Variants in DAO observed in about 807,000 individuals in gnomAD.
DAO encodes the protein D-amino-acid oxidase.
DAO carries 51 observed loss-of-function variants against 50.1 expected under a neutral mutation model. The observed-to-expected ratio is 1.02, with a 90% CI of 0.81 to 1.29. The LOEUF (loss-of-function observed/expected upper bound fraction) is 1.29, where lower values mean the gene tolerates loss of function less well. Among genes scored for constraint, DAO ranks in the 50% most tolerant of loss-of-function variants. The pLI, the probability that DAO is intolerant of heterozygous loss-of-function variation, is 0.00. For synonymous variants in DAO, 160 were observed against 166.2 expected, an observed-to-expected ratio of 0.96 and a Z score of 0.29; for missense variants, 436 against 439.4, an observed-to-expected ratio of 0.99 and a Z score of 0.07.
intron 7 of DAO, among the ~76,000 whole-genome samples, chr12:108,896,037 A>G (rs1368794186): frequency 6.6e-6 from 1 of 151,588 alleles, no homozygotes; most frequent in African/African-American, 2.4e-5. Flanking sequence ...TTTTCTTTAA[A>G]AAAAAAAAGT....
chr12:108,886,205 A>G (rs2039434496), intron 2 of DAO, among the ~76,000 whole-genome samples: 1 of 151,236 alleles, frequency 6.6e-6, no homozygotes, highest in Non-Finnish European at 1.5e-5. Flanking sequence ...ATCTTTTTAA[A>G]TAGAGATAGG....
At chr12:108,884,376 C>T (rs1331502783) in intron 1 of DAO, among the ~76,000 whole-genome samples, 2 of 152,212 alleles carry the variant, frequency 1.3e-5, no homozygotes, top group African/African-American at 4.8e-5. Flanking sequence ...CTGATAACAG[C>T]AGCCCCTACC....
chr12:108,883,910 C>T (rs1001541377), intron 1 of DAO: 2 of 248,970 alleles, frequency 8.0e-6, no homozygotes, highest in Non-Finnish European at 1.7e-5. Context: ...CTGTCCAGGG[C>T]CACAGGCCCG....
intron 6 of DAO, among the ~76,000 whole-genome samples, chr12:108,894,014 C>T (rs1468619625): frequency 6.6e-6 from 1 of 152,076 alleles, no homozygotes; most frequent in Non-Finnish European, 1.5e-5. Flanking sequence ...TATGAACAGC[C>T]ATGGGCAGCC....
chr12:108,887,448 A>G lies in DAO; in HGVS notation c.195-2A>G, dbSNP rs769271944. On this transcript the variant is annotated splice_acceptor_variant, in intron 2 of 10. Coordinates refer to ENST00000228476, the MANE Select transcript of DAO (RefSeq NM_001917.5). LOFTEE classifies it high-confidence loss of function. ...TGATCGAACTCTTCATGACCCTTCC[A>G]GGGACTGGAGCCAACAGACCTTTGA... 1.9e-6 allele frequency: 3 copies of G among 1,611,882 alleles called. No homozygotes were observed. In the Admixed American group the frequency reaches 5.0e-5, roughly 27 times the overall value.
At chr12:108,891,665 C>T (rs2039493332) in intron 5 of DAO, among the ~76,000 whole-genome samples, 1 of 151,788 alleles carries the variant, frequency 6.6e-6, no homozygotes, top group Non-Finnish European at 1.5e-5. Flanking sequence ...GTGGTATGAA[C>T]ACAACTCACA....
intron 10 of DAO, 54 bp downstream of exon 10, chr12:108,899,529 TG>T: frequency 6.7e-7 from 1 of 1,483,154 alleles, no homozygotes; most frequent in Non-Finnish European, 9.3e-7. Context: ...CAGATGGCTC[TG>T]GCATTTTCAG....
chr12:108,882,170 T>G (rs191849676), intron 1 of DAO, among the ~76,000 whole-genome samples: 36 of 152,290 alleles, frequency 2.4e-4, no homozygotes, highest in Middle Eastern at 3.4e-3. Flanking sequence ...GGAGCTGATA[T>G]TCCAGTGAGG....
At chr12:108,896,984 C>A (rs2137365354) in intron 7 of DAO, 22 bp from the exon 8 acceptor site, 1 of 1,600,208 alleles carries the variant, frequency 6.2e-7, no homozygotes, top group Admixed American at 1.7e-5. Context: ...GCTGATGAGA[C>A]TTTCCTGCCC....
chr12:108,888,362 G>T (rs910673146), intron 3 of DAO, among the ~76,000 whole-genome samples: 5 of 151,602 alleles, frequency 3.3e-5, no homozygotes, highest in African/African-American at 1.2e-4. Context: ...TTGAGACAGG[G>T]TCTCACTGTA....
Position 108,893,134 on chromosome 12 carries a change from G to A in DAO, c.507+98G>A, listed in dbSNP as rs17041050. 9.8e-3 allele frequency: 10,280 copies of A among 1,053,868 alleles called. 420 individuals carry two copies. In the African/African-American group the frequency reaches 0.1, roughly 11 times the overall value. 65.3% of individuals were successfully genotyped at this position (1,053,868 alleles called of 1,614,324 possible). On this transcript the variant is annotated intron_variant, in intron 6 of 10. Coordinates refer to ENST00000228476, the MANE Select transcript of DAO (RefSeq NM_001917.5). ...GGGGGCTCCCTTCTCAGGCTCCTAG[G>A]GTCCCCACAGGCCTGCCTCAGACCC...
At chr12:108,898,831 A>G in intron 9 of DAO, 35 bp downstream of exon 9, 1 of 1,435,736 alleles carries the variant, frequency 7.0e-7, no homozygotes, top group Non-Finnish European at 9.8e-7. Flanking sequence ...CCCTAAACCA[A>G]GGTCGTGGGA....
chr12:108,899,478 A>G lies in DAO; in HGVS notation c.912+3A>G. 1 of 1,612,044 alleles carries G rather than the reference A, an allele frequency of 6.2e-7. No homozygotes were observed. The highest frequency in any genetic ancestry group is 8.5e-7 in the Non-Finnish European group (1 of 1,178,758). On this transcript the variant is annotated splice_donor_region_variant and intron_variant, in intron 10 of 10. Transcript: ENST00000228476. ...GCACTGGACCTTCAAACACAGAGGT[A>G]TGCTCCCATGGCAAGGAAAGTAATG...
chr12:108,892,904 A>G, intron 5 of DAO, 78 bp from the exon 6 acceptor site: 1 of 1,325,488 alleles, frequency 7.5e-7, no homozygotes, highest in Non-Finnish European at 1.1e-6. Context: ...TGTTTGGGAA[A>G]GGTCCCTGTG....
At chr12:108,898,430 A>G (rs1284133825) in intron 8 of DAO, 1 of 494,340 alleles carries the variant, frequency 2.0e-6, no homozygotes, top group Non-Finnish European at 3.8e-6. Context: ...TGGTGGTGAA[A>G]TGATGAATGC....
chr12:108,898,249 T>C (rs1435215724), intron 8 of DAO, among the ~76,000 whole-genome samples: 2 of 151,422 alleles, frequency 1.3e-5, no homozygotes, highest in African/African-American at 4.9e-5. Flanking sequence ...TGATTGGGAG[T>C]GGGGATGGTA....
chr12:108,896,445 G>GAAAAAAAAAAAAAA (rs2039558419), intron 7 of DAO, among the ~76,000 whole-genome samples: 1 of 123,322 alleles, frequency 8.1e-6, no homozygotes, highest in African/African-American at 3.3e-5. Flanking sequence ...AAAAAAAATT[G>GAAAAAAAAAAAAAA]AAGGTTTGAA....
At chr12:108,894,480 C>A in intron 7 of DAO, 113 bp downstream of exon 7, 1 of 890,942 alleles carries the variant, frequency 1.1e-6, no homozygotes, top group Non-Finnish European at 1.8e-6. Context: ...AGGAACCCCC[C>A]GGACTGCAGG....
At chr12:108,896,432 AAAAAAAAAAATTG>A (rs1275947583) in intron 7 of DAO, among the ~76,000 whole-genome samples, 1 of 151,404 alleles carries the variant, frequency 6.6e-6, no homozygotes, top group African/African-American at 2.4e-5. Flanking sequence ...AAAAAAAAAA[AAAAAAAAAAATTG>A]AAGGTTTGAA....
Sources: allele counts gnomAD v4.1 joint callset (sites outside exome capture counted in the v4.1 genomes callset), GRCh38; gene constraint gnomAD v4.1.1; transcripts MANE v1.5; gene names NCBI Gene and HGNC (gene_info 2026-07-23, HGNC 2026-07-21).